Variants in PIEZO2 observed in about 807,000 individuals in gnomAD.
PIEZO2 encodes the protein piezo type mechanosensitive ion channel component 2.
PIEZO2 carries 172 observed loss-of-function variants against 337.3 expected under a neutral mutation model. The ratio of observed to expected loss-of-function variants is 0.51; its 90% CI spans 0.45 to 0.58. The LOEUF (loss-of-function observed/expected upper bound fraction) is 0.58. Ranked by LOEUF, PIEZO2 falls within the 20% of genes least tolerant of loss-of-function variation. PIEZO2 has a pLI of 0.00. For missense variants in PIEZO2, 3,028 were observed against 3,391.3 expected (o/e 0.89, Z 2.66); for synonymous variants, 1,251 against 1,228.5 (o/e 1.02, Z -0.38).
rs1015388460 is a variant in PIEZO2, at chr18:10,855,227, A to G, written c.917+126T>C. 3.7e-6 allele frequency: 3 copies of G among 815,070 alleles called. No homozygotes were observed. Among genetic ancestry groups the G allele is most frequent in the Non-Finnish European group, 5.8e-6 (3 of 520,484 alleles). The allele number at this position is 815,070 out of a possible 1,614,324, so 50.5% of individuals were successfully genotyped here. ...AGACTGCTTCACCCACCCCCACAAA[A>G]TCTTTGCTTAACACAGCAATTGCCT... On this transcript the variant is annotated intron_variant, in intron 7 of 55. Transcript: ENST00000674853. This position sits in a 1 kb window ranked among gnomAD's most constrained non-coding sequence, Gnocchi z 4.9.
intron 36 of PIEZO2, among the ~76,000 whole-genome samples, chr18:10,730,661 G>A (rs1276187253): frequency 6.6e-6 from 1 of 152,090 alleles, no homozygotes; most frequent in Non-Finnish European, 1.5e-5. Flanking sequence ...GCTTGTTTCT[G>A]AGTGTTGTTT....
intron 7 of PIEZO2, among the ~76,000 whole-genome samples, chr18:10,820,307 T>C (rs1161332501): frequency 1.3e-5 from 2 of 152,038 alleles, no homozygotes; most frequent in African/African-American, 4.8e-5. Flanking sequence ...GTTAGACCTT[T>C]TGAAGCTGTC....
chr18:10,967,349 C>T (rs370507601), intron 3 of PIEZO2, among the ~76,000 whole-genome samples: 2 of 152,108 alleles, frequency 1.3e-5, no homozygotes, highest in African/African-American at 4.8e-5. Context: ...CACTCATTGA[C>T]TGATGGGCAT....
rs905983310 is a variant in PIEZO2, at chr18:11,143,093, AG to A, written c.64+5431del. On this transcript the variant is annotated intron_variant, in intron 1 of 55. Coordinates refer to ENST00000674853, the MANE Select transcript of PIEZO2 (RefSeq NM_001378183.1). This position sits in a 1 kb window ranked among gnomAD's most constrained non-coding sequence, Gnocchi z 4.9. The stretch of plus-strand genomic sequence containing the variant: ...GACTCCGTCTCAAAAAAAAGAAAAA[AG>A]AAAAAGAAAAAGTTTTCCAATATTT... Among the ~76,000 whole-genome samples, 1 of 152,200 alleles carries A rather than the reference AG, an allele frequency of 6.6e-6. No individual in the cohort carries two copies. Among genetic ancestry groups the A allele is most frequent in the African/African-American group, 2.4e-5 (1 of 41,460 alleles).
At chr18:11,108,536 C>T (rs1287772968) in intron 1 of PIEZO2, among the ~76,000 whole-genome samples, 1 of 147,468 alleles carries the variant, frequency 6.8e-6, no homozygotes, top group Non-Finnish European at 1.5e-5. Flanking sequence ...ATGGCTTGAA[C>T]CCGGGAGGCG....
rs144691740 is a variant in PIEZO2 at position 10,935,954 on chromosome 18, GTGGGCCATAA to G, written c.287-24736_287-24727del. Among the ~76,000 whole-genome samples, 29 of 152,338 alleles carry G rather than the reference GTGGGCCATAA, an allele frequency of 1.9e-4. No individual in the cohort carries two copies. The East Asian group carries it at 5.6e-3, about 29-fold the overall frequency. On this transcript the variant is annotated intron_variant, in intron 3 of 55. Transcript: ENST00000674853. ...ATGACTTTTGAAGAAAGATGTGATA[GTGGGCCATAA>G]TGGGAAGTAATTTATTAAAAATGGC... is the stretch of plus-strand genomic sequence containing the variant.
rs759526874 is a variant in PIEZO2, at chr18:10,952,340, C to T, written c.286+27195G>A. On this transcript the variant is annotated intron_variant, in intron 3 of 55. Transcript: ENST00000674853. This position sits in a 1 kb window ranked among gnomAD's most constrained non-coding sequence, Gnocchi z 4.1. ...ACCACTACTGTCAAAATGTAAAGTTCCATCAGCCCACCAAATTCTCCATGG... is the reference window on the plus strand; with the variant it reads ...ACCACTACTGTCAAAATGTAAAGTTTCATCAGCCCACCAAATTCTCCATGG... Among the ~76,000 whole-genome samples the T allele has an allele frequency of 2.0e-5, 3 of 152,044 alleles. No homozygotes were observed. Among genetic ancestry groups the T allele is most frequent in the Non-Finnish European group, 2.9e-5 (2 of 68,030 alleles).
At chr18:10,946,235 G>A (rs375827589) in intron 3 of PIEZO2, among the ~76,000 whole-genome samples, 23 of 152,312 alleles carry the variant, frequency 1.5e-4, no homozygotes, top group African/African-American at 5.3e-4. Context: ...TAAAAGTCAT[G>A]TTGCAGGCAG....
rs570627463 is a variant in PIEZO2 at position 11,112,100 on chromosome 18, G to A, written c.64+36425C>T. Among the ~76,000 whole-genome samples the A allele has an allele frequency of 6.6e-6, 1 of 152,032 alleles. No homozygotes were observed. Among genetic ancestry groups the A allele is most frequent in the South Asian group, 2.1e-4 (1 of 4,816 alleles). On this transcript the variant is annotated intron_variant, in intron 1 of 55. Coordinates refer to ENST00000674853, the MANE Select transcript of PIEZO2 (RefSeq NM_001378183.1). This position sits in a 1 kb window ranked among gnomAD's most constrained non-coding sequence, Gnocchi z 4.3. Reference sequence around the variant, plus strand: ...TTTAGAATGATTAAACTTTAAAGATGGAGTTTCTAGGTTTCTGATGAATTC... The same window carrying A: ...TTTAGAATGATTAAACTTTAAAGATAGAGTTTCTAGGTTTCTGATGAATTC...
At chr18:10,737,100 G>A (rs1412064078) in intron 33 of PIEZO2, among the ~76,000 whole-genome samples, 1 of 152,020 alleles carries the variant, frequency 6.6e-6, no homozygotes, top group African/African-American at 2.4e-5. Flanking sequence ...TTGGTCTTCA[G>A]ACAAGGCCAA....
In PIEZO2 at chr18:10,927,964, C is replaced by T. The variant is rs76845395; in HGVS notation, c.287-16736G>A. ...GGAGACCAAACCCAAAGAACTTAGACGTGGATTAATGTATTTAGACTAAGG... is the reference window on the plus strand; with the variant it reads ...GGAGACCAAACCCAAAGAACTTAGATGTGGATTAATGTATTTAGACTAAGG... On this transcript the variant is annotated intron_variant, in intron 3 of 55. Coordinates refer to ENST00000674853, the MANE Select transcript of PIEZO2 (RefSeq NM_001378183.1). 8.8e-3 allele frequency among the ~76,000 whole-genome samples: 1,346 copies of T among 152,218 alleles called. 51 individuals carry two copies. The highest frequency in any genetic ancestry group is 0.07 in the Admixed American group (1,076 of 15,284).
intron 2 of PIEZO2, among the ~76,000 whole-genome samples, chr18:11,062,086 G>A (rs1456550218): frequency 6.6e-6 from 1 of 152,076 alleles, no homozygotes; most frequent in Non-Finnish European, 1.5e-5. Flanking sequence ...ACAGAACAGA[G>A]CCCTCAGAAA....
Position 11,077,473 on chromosome 18 carries a change from C to G in PIEZO2, c.65-11251G>C, listed in dbSNP as rs142937945. On this transcript the variant is annotated intron_variant, in intron 1 of 55. Coordinates refer to ENST00000674853, the MANE Select transcript of PIEZO2 (RefSeq NM_001378183.1). This position sits in a 1 kb window ranked among gnomAD's most constrained non-coding sequence, Gnocchi z 4.8. ...CTTGAGACCAGGAATTTGAGACCAA[C>G]CTGGGCAACATAGTGAGACCCCCAT... Among the ~76,000 whole-genome samples, 2,002 of 152,116 alleles carry G rather than the reference C, an allele frequency of 0.013. 35 individuals are homozygous for G. The highest frequency in any genetic ancestry group is 0.047 in the African/African-American group (1,933 of 41,478).
chr18:10,803,507 C>T (rs2039896111), intron 9 of PIEZO2, among the ~76,000 whole-genome samples: 1 of 152,170 alleles, frequency 6.6e-6, no homozygotes, highest in African/African-American at 2.4e-5. Flanking sequence ...AAATACCCGA[C>T]AGAGTAAAAT....
At chr18:11,060,686 A>G (rs1036920537) in intron 2 of PIEZO2, among the ~76,000 whole-genome samples, 29 of 152,138 alleles carry the variant, frequency 1.9e-4, no homozygotes, top group African/African-American at 7.0e-4. Context: ...TGACACATAC[A>G]CCCTCCCAAG....
chr18:10,695,433 G>A (rs2035037571), intron 47 of PIEZO2, among the ~76,000 whole-genome samples: 1 of 152,196 alleles, frequency 6.6e-6, no homozygotes, highest in South Asian at 2.1e-4. Flanking sequence ...GATCTTACCA[G>A]CCCTTTCCTG....
intron 42 of PIEZO2, 79 bp from the exon 43 acceptor site, chr18:10,702,250 A>G (rs938877327): frequency 7.4e-7 from 1 of 1,351,190 alleles, no homozygotes; most frequent in African/African-American, 1.5e-5. Context: ...AGAGCAATAT[A>G]ACAATTAAGA....
At chr18:10,799,645 C>T (rs536451536) in intron 11 of PIEZO2, among the ~76,000 whole-genome samples, 3 of 152,176 alleles carry the variant, frequency 2.0e-5, no homozygotes, top group African/African-American at 7.2e-5. Context: ...AAGACAACCT[C>T]GTTTTTTAAA....
In PIEZO2 at chr18:10,988,129, G is replaced by C. The variant is rs1161113136; in HGVS notation, c.161-8469C>G. ...GTTGAGCTCTCAGGTATAAGATTAG[G>C]GTCTCTATAAGTGTTGAGAAAATGT... On this transcript the variant is annotated intron_variant, in intron 2 of 55. Transcript: ENST00000674853. The surrounding 1 kb of genome is among the most constrained non-coding windows in gnomAD (Gnocchi z 4.8). Among the ~76,000 whole-genome samples, 2 of 152,106 alleles carry C rather than the reference G, an allele frequency of 1.3e-5. No individual in the cohort carries two copies. The highest frequency in any genetic ancestry group is 4.8e-5 in the African/African-American group (2 of 41,426).
Sources: allele counts gnomAD v4.1 joint callset (sites outside exome capture counted in the v4.1 genomes callset), GRCh38; gene constraint gnomAD v4.1.1; non-coding constraint Gnocchi (gnomAD v3.1); transcripts MANE v1.5; gene names NCBI Gene and HGNC (gene_info 2026-07-23, HGNC 2026-07-21).